The following PAH variants were observed in gnomAD, a reference collection of about 807,000 sequenced individuals.
The protein encoded by PAH is phenylalanine-4-hydroxylase.
PAH carries 64 observed loss-of-function variants against 62.0 expected under a neutral mutation model. The observed-to-expected ratio is 1.03, with a 90% CI of 0.84 to 1.27. The LOEUF (loss-of-function observed/expected upper bound fraction) is 1.27, where lower values mean the gene tolerates loss of function less well. Among genes scored for constraint, PAH ranks in the 50% most tolerant of loss-of-function variants. PAH has a pLI of 0.00. For synonymous variants in PAH, 195 were observed against 196.2 expected (o/e 0.99, Z 0.05); for missense variants, 579 against 542.8 (o/e 1.07, Z -0.66).
chr12:102,845,696 A>G (rs559269549), intron 9 of PAH, among the ~76,000 whole-genome samples: 1 of 152,126 alleles, frequency 6.6e-6, no homozygotes, highest in South Asian at 2.1e-4. Flanking sequence ...AAAATGTTAA[A>G]CCTGGGAGGG....
chr12:102,924,131 A>T (rs1480604613), intron 1 of PAH, among the ~76,000 whole-genome samples: 1 of 152,192 alleles, frequency 6.6e-6, no homozygotes, highest in Non-Finnish European at 1.5e-5. Context: ...CAAAAGAGAA[A>T]TGTCACAGCA....
Position 102,844,368 on chromosome 12 carries a change from C to A in PAH, c.1033G>T (p.Ala345Ser), listed in dbSNP as rs62516062. The change falls in exon 10 of 13, where the codon GCT becomes TCT. Residue 345 changes from alanine to serine, a missense_variant. By Grantham distance (99) the Ala-to-Ser change is moderately conservative. Coordinates refer to ENST00000553106, the MANE Select transcript of PAH (RefSeq NM_000277.3). ...KQGDSIKAYG[A>S]GLLSSFGELQ... ...TCACCAAAGGATGACAGGAGCCCAG[C>A]ACCATATGCCTTTATGGAGTCTCCT... is the stretch of plus-strand genomic sequence containing the variant. 46 of 1,613,606 alleles carry A rather than the reference C, an allele frequency of 2.9e-5. No homozygotes were observed. The highest frequency in any genetic ancestry group is 4.0e-5 in the African/African-American group (3 of 74,900).
chr12:102,949,396 T>C (rs1879646819), intron 1 of PAH, among the ~76,000 whole-genome samples: 1 of 152,170 alleles, frequency 6.6e-6, no homozygotes, highest in African/African-American at 2.4e-5. Flanking sequence ...AAGAGAGGAA[T>C]GGTTGCCACT....
At position 102,868,055 on chromosome 12, in the gene PAH, TA is replaced by T. The variant is rs1565854701; in HGVS notation, c.442-1393del. Among the ~76,000 whole-genome samples the T allele has an allele frequency of 4.0e-4, 51 of 128,292 alleles. 1 individual carries two copies. Among genetic ancestry groups the T allele is most frequent in the African/African-American group, 1.4e-3 (45 of 31,612 alleles). 84.2% of individuals were successfully genotyped at this position (128,292 alleles called of 152,430 possible). On this transcript the variant is annotated intron_variant, in intron 4 of 12. Coordinates refer to ENST00000553106, the MANE Select transcript of PAH (RefSeq NM_000277.3). Reference sequence around the variant, plus strand: ...GTATATACACCTATATATATGTATATATATACACATATATATACATATATGT... The same window carrying T: ...GTATATACACCTATATATATGTATATTATACACATATATATACATATATGT...
rs2270729 is a variant in PAH at position 102,846,674 on chromosome 12, A to C, written c.969+221T>G. On this transcript the variant is annotated intron_variant, in intron 9 of 12. Coordinates refer to ENST00000553106, the MANE Select transcript of PAH (RefSeq NM_000277.3). Reference sequence around the variant, plus strand: ...TTGGTGGGTTCAAGATACTGCTTAAAATTTAAGAGATGTAAACATCTGTAG... The same window carrying C: ...TTGGTGGGTTCAAGATACTGCTTAACATTTAAGAGATGTAAACATCTGTAG... Among the ~76,000 whole-genome samples, 32,451 of 152,210 alleles carry C rather than the reference A, an allele frequency of 0.21. 4,053 individuals are homozygous for C. Among genetic ancestry groups the C allele is most frequent in the Admixed American group, 0.36 (5,469 of 15,296 alleles).
At chr12:102,945,264 A>G (rs569044661) in intron 1 of PAH, 13 of 152,676 alleles carry the variant, frequency 8.5e-5, no homozygotes, top group Admixed American at 2.6e-4. Flanking sequence ...GACCTGTGGC[A>G]ACTACTGCCT....
At chr12:102,842,311 A>T (rs116344347) in intron 11 of PAH, among the ~76,000 whole-genome samples, 1 of 152,202 alleles carries the variant, frequency 6.6e-6, no homozygotes, top group African/African-American at 2.4e-5. Context: ...GGAGAGAATT[A>T]AAAAAGCAGA....
At chr12:102,940,247 A>G (rs1462314116) in intron 1 of PAH, among the ~76,000 whole-genome samples, 1 of 152,174 alleles carries the variant, frequency 6.6e-6, no homozygotes, top group Non-Finnish European at 1.5e-5. Flanking sequence ...CAGCATGACA[A>G]CTCTGACAAT....
chr12:102,865,444 A>T (rs1274740000), intron 5 of PAH, among the ~76,000 whole-genome samples: 2 of 152,184 alleles, frequency 1.3e-5, no homozygotes, highest in Non-Finnish European at 2.9e-5. Context: ...AAAAATGAGA[A>T]GTTATTATTG....
chr12:102,914,933 T>G (rs1242090231), intron 1 of PAH, among the ~76,000 whole-genome samples: 2 of 152,286 alleles, frequency 1.3e-5, no homozygotes, highest in African/African-American at 4.8e-5. Flanking sequence ...TGAATCCATT[T>G]CTTAGTGGCC....
intron 1 of PAH, among the ~76,000 whole-genome samples, chr12:102,947,080 G>T (rs1221301337): frequency 6.6e-6 from 1 of 152,164 alleles, no homozygotes; most frequent in Non-Finnish European, 1.5e-5. Context: ...GTAAAGCAAT[G>T]ATATAGTAAT....
chr12:102,884,983 G>T (rs1405668051), intron 3 of PAH, among the ~76,000 whole-genome samples: 1 of 152,192 alleles, frequency 6.6e-6, no homozygotes, highest in African/African-American at 2.4e-5. Context: ...CACTGAGCTA[G>T]CTGAGCCGAA....
intron 2 of PAH, among the ~76,000 whole-genome samples, chr12:102,902,561 A>G (rs1877803604): frequency 6.6e-6 from 1 of 152,216 alleles, no homozygotes; most frequent in South Asian, 2.1e-4. Flanking sequence ...GGAACTTCTT[A>G]CATGTTTCAC....
chr12:102,903,230 A>T (rs1234313911), intron 2 of PAH, among the ~76,000 whole-genome samples: 1 of 152,048 alleles, frequency 6.6e-6, no homozygotes, highest in African/African-American at 2.4e-5. Context: ...GCATAGTGGC[A>T]GGTGCCTGTA....
At chr12:102,918,496 T>C (rs1210809556), upstream of PAH, among the ~76,000 whole-genome samples, 2 of 150,212 alleles carry the variant, frequency 1.3e-5, no homozygotes, top group Non-Finnish European at 2.9e-5. Context: ...AACTCAGGTT[T>C]AGGATTCAAA....
Position 102,942,494 on chromosome 12 carries a change from C to T in PAH, c.-96+8095G>A, listed in dbSNP as rs144009682. 2.3e-4 allele frequency among the ~76,000 whole-genome samples: 35 copies of T among 151,804 alleles called. No individual in the cohort carries two copies. In the East Asian group the frequency reaches 6.6e-3, roughly 29 times the overall value. On this transcript the variant is annotated intron_variant, in intron 1 of 3. Coordinates refer to the PAH transcript ENST00000546844. ...AACATTGGTAAAATGGCCATACTAC[C>T]CACAACAGATTCATTGCTATTTCTA...
chr12:102,862,315 C>T (rs1040935254), intron 5 of PAH, among the ~76,000 whole-genome samples: 1 of 152,198 alleles, frequency 6.6e-6, no homozygotes, highest in South Asian at 2.1e-4. Context: ...CCAAAGACCA[C>T]ATGTTCTCAC....
At chr12:102,916,099 C>T (rs893557788) in intron 1 of PAH, among the ~76,000 whole-genome samples, 2 of 151,908 alleles carry the variant, frequency 1.3e-5, no homozygotes, top group Admixed American at 1.3e-4. Flanking sequence ...TTCCTCTGTA[C>T]AATAAGTTCT....
intron 8 of PAH, among the ~76,000 whole-genome samples, chr12:102,851,264 T>G (rs1463208622): frequency 6.6e-6 from 1 of 152,152 alleles, no homozygotes; most frequent in Admixed American, 6.5e-5. Flanking sequence ...CATTGGATTC[T>G]TGGCAAATGT....
Sources: gnomAD v4.1 joint callset for allele counts (sites outside exome capture counted in the v4.1 genomes callset) on GRCh38, gnomAD v4.1.1 for gene constraint, MANE v1.5 for transcripts, NCBI Gene and HGNC (gene_info 2026-07-23, HGNC 2026-07-21) for gene names.